The following DLG2 variants were observed in gnomAD, a reference collection of about 807,000 sequenced individuals.
DLG2 encodes the protein disks large homolog 2.
In DLG2, 45 loss-of-function variants were observed where a neutral mutation model predicts 132.5. That is an observed-to-expected ratio of 0.34 (90% confidence interval 0.27 to 0.44). The LOEUF is 0.44. Among genes scored for constraint, DLG2 ranks in the 20% least tolerant of loss-of-function variants. DLG2 has a pLI of 1.00. For synonymous variants in DLG2, 424 were observed against 419.6 expected (o/e 1.01, Z -0.13); for missense variants, 1,045 against 1,196.9 (o/e 0.87, Z 1.87).
At chr11:84,358,854 A>G (rs2098633438) in intron 7 of DLG2, among the ~76,000 whole-genome samples, 1 of 152,008 alleles carries the variant, frequency 6.6e-6, no homozygotes, top group African/African-American at 2.4e-5. Flanking sequence ...ATTTCTACAT[A>G]CATAAAGAAA....
At chr11:85,487,718 A>G (rs1250266908) in intron 3 of DLG2, among the ~76,000 whole-genome samples, 2 of 152,196 alleles carry the variant, frequency 1.3e-5, no homozygotes, top group Admixed American at 1.3e-4. Flanking sequence ...GGTAGTTCCA[A>G]GGGTGAAGAG....
intron 6 of DLG2, among the ~76,000 whole-genome samples, chr11:84,996,296 C>T (rs1454104452): frequency 6.6e-6 from 1 of 152,080 alleles, no homozygotes; most frequent in African/African-American, 2.4e-5. Context: ...CAAAATTCCA[C>T]TGATTTTTCC....
chr11:84,556,812 T>G (rs568523835), intron 6 of DLG2, among the ~76,000 whole-genome samples: 38 of 152,368 alleles, frequency 2.5e-4, no homozygotes, highest in African/African-American at 9.1e-4. Flanking sequence ...ATTGAGAACA[T>G]GTAGTATTGC....
rs997727917 is a variant in DLG2 at position 83,791,302 on chromosome 11, T to A, written c.1723-4510A>T. 2.7e-5 allele frequency: 18 copies of A among 678,890 alleles called. No homozygotes were observed. In the African/African-American group the frequency reaches 3.3e-4, roughly 12 times the overall value. 42.1% of individuals were successfully genotyped at this position (678,890 alleles called of 1,614,324 possible). A position where few individuals can be genotyped will look rare whatever the true frequency, so the allele number is the denominator to read the frequency against. ...AGAGCTCCCAGAGGGTTTGCCCGCCTTGCCTTTTGGCTTCTGTTTGGCAGA... is the reference window on the plus strand; with the variant it reads ...AGAGCTCCCAGAGGGTTTGCCCGCCATGCCTTTTGGCTTCTGTTTGGCAGA... On this transcript the variant is annotated intron_variant, in intron 17 of 27. Coordinates refer to ENST00000376104, the MANE Select transcript of DLG2 (RefSeq NM_001142699.3).
At chr11:85,457,991 T>G (rs139064197) in intron 3 of DLG2, among the ~76,000 whole-genome samples, 1 of 152,184 alleles carries the variant, frequency 6.6e-6, no homozygotes, top group East Asian at 1.9e-4. Flanking sequence ...TTTAGTGAGG[T>G]TGGGGAAGCT....
intron 18 of DLG2, among the ~76,000 whole-genome samples, chr11:83,683,209 T>C (rs915636252): frequency 1.3e-5 from 2 of 152,224 alleles, no homozygotes; most frequent in Non-Finnish European, 2.9e-5. Context: ...TAATATCTAT[T>C]GAACACATTT....
chr11:85,425,769 G>T (rs1388679905), intron 3 of DLG2, among the ~76,000 whole-genome samples: 2 of 152,136 alleles, frequency 1.3e-5, no homozygotes, highest in Non-Finnish European at 2.9e-5. Context: ...TCATCTCACT[G>T]GGGAGTGTCA....
At chr11:84,866,261 T>C (rs1255971485) in intron 6 of DLG2, among the ~76,000 whole-genome samples, 1 of 152,184 alleles carries the variant, frequency 6.6e-6, no homozygotes, top group Non-Finnish European at 1.5e-5. Context: ...TGATCAAGTA[T>C]GTGTCTGTCC....
intron 18 of DLG2, among the ~76,000 whole-genome samples, chr11:83,761,590 G>C (rs2093910742): frequency 6.6e-6 from 1 of 152,052 alleles, no homozygotes. Flanking sequence ...GTCTGAATTG[G>C]ATTCCTACTT....
chr11:85,345,087 A>C (rs1334862161), intron 3 of DLG2, among the ~76,000 whole-genome samples: 3 of 152,138 alleles, frequency 2.0e-5, no homozygotes, highest in Non-Finnish European at 4.4e-5. Flanking sequence ...AAGAGTAAAG[A>C]AGCACATTGA....
At chr11:83,724,476 TGAGAGAGA>T (rs59782952) in intron 18 of DLG2, among the ~76,000 whole-genome samples, 3,362 of 118,174 alleles carry the variant, frequency 0.028, 115 homozygotes, top group African/African-American at 0.078. Flanking sequence ...TGTGTGTGTG[TGAGAGAGA>T]GAGAGAGAGA....
intron 16 of DLG2, among the ~76,000 whole-genome samples, chr11:83,856,355 G>C (rs891720341): frequency 6.6e-6 from 1 of 152,094 alleles, no homozygotes; most frequent in Non-Finnish European, 1.5e-5. Context: ...CCCAGTAATG[G>C]GATTGCTGGG....
chr11:83,483,278 G>A (rs772124362), intron 22 of DLG2: 5 of 1,612,834 alleles, frequency 3.1e-6, no homozygotes, highest in East Asian at 4.5e-5. Flanking sequence ...CATAACCGTC[G>A]TCACCTAATC....
At chr11:84,331,077 T>C (rs2098456177) in intron 7 of DLG2, among the ~76,000 whole-genome samples, 1 of 152,236 alleles carries the variant, frequency 6.6e-6, no homozygotes, top group Non-Finnish European at 1.5e-5. Context: ...GCCTTAATTA[T>C]ATTTTCTCAT....
At chr11:84,357,155 G>A (rs1187334224) in intron 7 of DLG2, among the ~76,000 whole-genome samples, 1 of 152,044 alleles carries the variant, frequency 6.6e-6, no homozygotes, top group African/African-American at 2.4e-5. Context: ...AGACAGCACA[G>A]TCTGGATGTC....
chr11:85,120,348 G>C (rs1028590106), intron 5 of DLG2, among the ~76,000 whole-genome samples: 1 of 151,990 alleles, frequency 6.6e-6, no homozygotes, highest in Non-Finnish European at 1.5e-5. Context: ...CAGAACTTTA[G>C]ATTTCTAAGT....
chr11:85,082,735 C>CTT lies in DLG2; in HGVS notation c.357+28924_357+28925dup, dbSNP rs71036458. Among the ~76,000 whole-genome samples, 807 of 113,358 alleles carry CTT rather than the reference C, an allele frequency of 7.1e-3. 5 individuals carry two copies. The highest frequency in any genetic ancestry group is 0.016 in the African/African-American group (496 of 30,492). 74.4% of individuals were successfully genotyped at this position (113,358 alleles called of 152,430 possible). A position where few individuals can be genotyped will look rare whatever the true frequency, so the allele number is the denominator to read the frequency against. ...AAGCACATGGTTTTTTCTTTTCTTT[C>CTT]TTTTTTTTTTTTTTTTTTTTCACCT... is the stretch of plus-strand genomic sequence containing the variant. On this transcript the variant is annotated intron_variant, in intron 6 of 27. Transcript: ENST00000376104.
At chr11:83,604,037 T>TTTCAA (rs2058966564) in intron 19 of DLG2, among the ~76,000 whole-genome samples, 1 of 152,192 alleles carries the variant, frequency 6.6e-6, no homozygotes. Flanking sequence ...TCAAAATAAA[T>TTTCAA]AATTCATTAC....
intron 7 of DLG2, among the ~76,000 whole-genome samples, chr11:84,515,398 G>C (rs1212235599): frequency 1.3e-5 from 2 of 150,906 alleles, no homozygotes; most frequent in African/African-American, 2.4e-5. Context: ...AATGGAAAAA[G>C]ATATTTTATG....
Sources: allele counts gnomAD v4.1 joint callset (sites outside exome capture counted in the v4.1 genomes callset), GRCh38; gene constraint gnomAD v4.1.1; transcripts MANE v1.5; gene names NCBI Gene and HGNC (gene_info 2026-07-23, HGNC 2026-07-21).